The following APLP2 variants were observed in gnomAD, a reference collection of about 807,000 sequenced individuals.
APLP2 encodes CDEI box-binding protein.
APLP2 carries 53 observed loss-of-function variants against 89.9 expected under a neutral mutation model. The observed-to-expected ratio is 0.59, with a 90% CI of 0.47 to 0.74. APLP2 has a LOEUF of 0.74. APLP2 is among the 30% of genes least tolerant of loss of function. The pLI is 0.00. For missense variants in APLP2, 973 were observed against 975.9 expected (o/e 1.00, Z 0.04); for synonymous variants, 372 against 348.6 (o/e 1.07, Z -0.75).
Position 130,120,735 on chromosome 11 carries a change from G to C in APLP2, c.433G>C (p.Val145Leu), listed in dbSNP as rs762290425. ...TGAATTTGTAAGTGATGTCCTGCTA[G>C]TTCCAGAAAAGTGCCAGTTTTTCCA... ...VGEFVSDVLLVPEKCQFFHKE... is the reference protein window; with the variant it reads ...VGEFVSDVLLLPEKCQFFHKE... The change falls in exon 4 of 17, where the codon GTT becomes CTT. Residue 145 changes from valine (V) to leucine (L), a missense_variant. Coordinates refer to ENST00000338167, the MANE Select transcript of APLP2 (RefSeq NM_001142276.2). 1 of 1,613,982 alleles carries C rather than the reference G, an allele frequency of 6.2e-7. No individual in the cohort carries two copies.
In APLP2 at chr11:130,135,663, G is replaced by C; in HGVS notation, c.1785G>C (p.Glu595Asp). ...GGGTGAGCTCTGAGGAGAGTGAGGA[G>C]ATCCCACCGTTCCACCCCTTCCACC... The part of the protein sequence containing the change: ...DVRVSSEESE[E>D]IPPFHPFHPF... Residue 595 changes from glutamate to aspartate, a missense_variant, in exon 13 of 17, where the codon GAG (glutamate) becomes GAC (aspartate). Physicochemically the swap from Glu to Asp is conservative, Grantham distance 45 (BLOSUM62 2). Transcript: ENST00000338167. 6.2e-6 allele frequency: 10 copies of C among 1,614,198 alleles called. No individual in the cohort carries two copies. Among genetic ancestry groups the C allele is most frequent in the Non-Finnish European group, 8.5e-6 (10 of 1,180,022 alleles).
rs1482235915 is a variant in APLP2, at chr11:130,070,382, C to T, written c.105+300C>T. 2.6e-5 allele frequency among the ~76,000 whole-genome samples: 4 copies of T among 151,392 alleles called. No homozygotes were observed. The East Asian group carries it at 5.8e-4, about 22-fold the overall frequency. On this transcript the variant is annotated intron_variant, in intron 1 of 16. Transcript: ENST00000338167. ...CCGCCCGCGGCGCCGCCACCTCCTC[C>T]GGGGACCCAGTGCCCCCGGGCGCCC...
In APLP2 at chr11:130,143,321, A is replaced by G. The variant is rs375746505; in HGVS notation, c.2155-26A>G. The stretch of plus-strand genomic sequence containing the variant: ...TGCAGGTCTCTTCCCAGACACCACA[A>G]TGACCCTCAGGTTTTGTTCTTCCAG... On this transcript the variant is annotated intron_variant, in intron 16 of 16. Transcript: ENST00000338167. 189 of 1,606,254 alleles carry G rather than the reference A, an allele frequency of 1.2e-4. No individual in the cohort carries two copies. The African/African-American group carries it at 2.1e-3, about 18-fold the overall frequency.
intron 11 of APLP2, among the ~76,000 whole-genome samples, chr11:130,130,371 A>G (rs1314039505): frequency 6.6e-6 from 1 of 152,226 alleles, no homozygotes; most frequent in Non-Finnish European, 1.5e-5. Context: ...ACTTTTTTAT[A>G]TTAACTGCTT....
intron 11 of APLP2, among the ~76,000 whole-genome samples, chr11:130,131,199 A>G (rs1950906960): frequency 6.6e-6 from 1 of 152,244 alleles, no homozygotes; most frequent in South Asian, 2.1e-4. Context: ...CCCGGGTTCA[A>G]ATGATTCTCT....
intron 7 of APLP2, among the ~76,000 whole-genome samples, chr11:130,124,690 C>A (rs746283669): frequency 2.0e-5 from 3 of 152,176 alleles, no homozygotes; most frequent in Non-Finnish European, 4.4e-5. Context: ...TTCATGTTCC[C>A]TCTTCCTTCC....
intron 3 of APLP2, among the ~76,000 whole-genome samples, chr11:130,116,964 T>C (rs1251733241): frequency 6.6e-6 from 1 of 151,978 alleles, no homozygotes; most frequent in East Asian, 2.0e-4. Context: ...ACCCCGTCTC[T>C]ACTAAAAATA....
chr11:130,140,614 C>T (rs1952245045), intron 14 of APLP2, 131 bp downstream of exon 14: 1 of 581,332 alleles, frequency 1.7e-6, no homozygotes, highest in Admixed American at 3.8e-5. Context: ...TTGGAGGGCT[C>T]CAACGGCTCC....
chr11:130,118,569 C>G (rs1949479225), intron 3 of APLP2, among the ~76,000 whole-genome samples: 1 of 152,142 alleles, frequency 6.6e-6, no homozygotes, highest in Admixed American at 6.5e-5. Context: ...TGAACAAAAA[C>G]AGCCTAGTTA....
intron 13 of APLP2, among the ~76,000 whole-genome samples, chr11:130,136,169 G>C (rs746392156): frequency 6.6e-6 from 1 of 152,120 alleles, no homozygotes; most frequent in African/African-American, 2.4e-5. Context: ...CTAGGCAGAC[G>C]TTCTTTCCTC....
intron 1 of APLP2, among the ~76,000 whole-genome samples, chr11:130,089,874 A>G (rs1944653521): frequency 6.6e-6 from 1 of 152,240 alleles, no homozygotes; most frequent in Admixed American, 6.5e-5. Context: ...GACACCAGTC[A>G]TATTGGATTA....
intron 13 of APLP2, among the ~76,000 whole-genome samples, chr11:130,140,139 A>G (rs1952172169): frequency 6.6e-6 from 1 of 152,060 alleles, no homozygotes; most frequent in East Asian, 1.9e-4. Flanking sequence ...GAAGGCTTGC[A>G]TTTCATTTTC....
chr11:130,133,778 C>A, intron 12 of APLP2, 50 bp downstream of exon 12: 1 of 1,408,876 alleles, frequency 7.1e-7, no homozygotes, highest in Non-Finnish European at 1.0e-6. Flanking sequence ...CTTGCAGAGG[C>A]TCAGGAGTGA....
chr11:130,116,231 C>G (rs568593909), intron 3 of APLP2, among the ~76,000 whole-genome samples: 3 of 151,858 alleles, frequency 2.0e-5, no homozygotes, highest in Non-Finnish European at 4.4e-5. Flanking sequence ...GTTAGAGATA[C>G]GCAGTGGGTT....
At position 130,082,748 on chromosome 11, in the gene APLP2, C is replaced by G. The variant is rs1943395640; in HGVS notation, c.105+12666C>G. On this transcript the variant is annotated intron_variant, in intron 1 of 16. Coordinates refer to ENST00000338167, the MANE Select transcript of APLP2 (RefSeq NM_001142276.2). ...TGGGACAGCCTAGTTTTGTTAGAGG[C>G]TGTATTGTAGGAAAGCCTGTGACAG... 5 of 235,132 alleles carry G rather than the reference C, an allele frequency of 2.1e-5. No homozygotes were observed. The South Asian group carries it at 2.3e-4, about 11-fold the overall frequency. 14.6% of individuals were successfully genotyped at this position (235,132 alleles called of 1,614,324 possible). A position where few individuals can be genotyped will look rare whatever the true frequency, so the allele number is the denominator to read the frequency against.
At chr11:130,094,712 C>T (rs1945955746) in intron 1 of APLP2, among the ~76,000 whole-genome samples, 1 of 152,298 alleles carries the variant, frequency 6.6e-6, no homozygotes, top group East Asian at 1.9e-4. Context: ...TTCACACACC[C>T]TTTCTTAGGA....
Position 130,120,696 on chromosome 11 carries a change from T to A in APLP2, c.404-10T>A. 1 of 1,605,210 alleles carries A rather than the reference T, an allele frequency of 6.2e-7. No homozygotes were observed. The highest frequency in any genetic ancestry group is 1.1e-5 in the South Asian group (1 of 90,866). ...GTCAGATCCGCTCTGACAAAGATTCTCTTTTCCAGTGGGTGAATTTGTAAG... is the reference window on the plus strand; with the variant it reads ...GTCAGATCCGCTCTGACAAAGATTCACTTTTCCAGTGGGTGAATTTGTAAG... On this transcript the variant is annotated splice_polypyrimidine_tract_variant and intron_variant, in intron 3 of 16. Transcript: ENST00000338167.
At chr11:130,125,586 C>T (rs1454000753) in intron 7 of APLP2, among the ~76,000 whole-genome samples, 4 of 152,030 alleles carry the variant, frequency 2.6e-5, no homozygotes, top group East Asian at 1.9e-4. Flanking sequence ...AAGATGCTTC[C>T]GACAGAAAAA....
intron 13 of APLP2, among the ~76,000 whole-genome samples, chr11:130,138,581 G>GTTT (rs34805457): frequency 2.8e-3 from 254 of 91,388 alleles, no homozygotes; most frequent in East Asian, 6.0e-3. Flanking sequence ...CTGGTGGTAG[G>GTTT]TTTTTTTTTT....
Sources: gnomAD v4.1 joint callset for allele counts (sites outside exome capture counted in the v4.1 genomes callset) on GRCh38, gnomAD v4.1.1 for gene constraint, MANE v1.5 for transcripts, NCBI Gene and HGNC (gene_info 2026-07-23, HGNC 2026-07-21) for gene names.